EFCAB3: variants seen among roughly 807,000 people sequenced by gnomAD.
The protein encoded by EFCAB3 is EF-hand calcium-binding domain-containing protein 3.
EFCAB3 carries 36 observed loss-of-function variants against 42.2 expected under a neutral mutation model. The observed-to-expected ratio is 0.85, with a 90% confidence interval of 0.65 to 1.13. The LOEUF (loss-of-function observed/expected upper bound fraction) is 1.13, where lower values mean the gene tolerates loss of function less well. EFCAB3 is among the 50% of genes most tolerant of loss of function. The pLI, the probability that EFCAB3 is intolerant of heterozygous loss-of-function variation, is 0.00. For missense variants in EFCAB3, 418 were observed against 505.1 expected, an observed-to-expected ratio of 0.83 and a Z score of 1.65; for synonymous variants, 170 against 172.8, an observed-to-expected ratio of 0.98 and a Z score of 0.13.
intron 2 of EFCAB3, 73 bp from the exon 3 acceptor site, chr17:62,387,267 A>G: frequency 8.5e-7 from 1 of 1,177,452 alleles, no homozygotes; most frequent in Non-Finnish European, 1.2e-6. Flanking sequence ...GTAAGCAGAA[A>G]CTGATGAGTA....
intron 8 of EFCAB3, among the ~76,000 whole-genome samples, chr17:62,411,266 G>T (rs368988443): frequency 6.6e-6 from 1 of 152,190 alleles, no homozygotes; most frequent in Non-Finnish European, 1.5e-5. Flanking sequence ...TGATATAGCA[G>T]ATCTTTAAAA....
chr17:62,394,202 C>A (rs1187424852), intron 5 of EFCAB3, among the ~76,000 whole-genome samples: 1 of 152,224 alleles, frequency 6.6e-6, no homozygotes, highest in African/African-American at 2.4e-5. Context: ...ATCCACCCGC[C>A]TTGGCCTCCC....
upstream of EFCAB3, among the ~76,000 whole-genome samples, chr17:62,379,618 G>A (rs74871405): frequency 5.8e-3 from 886 of 152,204 alleles, 8 homozygotes; most frequent in African/African-American, 0.02. Flanking sequence ...CCCCTGAGCA[G>A]GAATAGGAAA....
At chr17:62,388,087 G>A (rs2070270418) in intron 3 of EFCAB3, among the ~76,000 whole-genome samples, 1 of 152,144 alleles carries the variant, frequency 6.6e-6, no homozygotes, top group South Asian at 2.1e-4. Flanking sequence ...GCGGGCACCT[G>A]TAATCCCAGC....
At chr17:62,372,562 G>A (rs1241715639) in intron 1 of EFCAB3, among the ~76,000 whole-genome samples, 5 of 66 alleles carry the variant, frequency 0.076, no homozygotes, top group African/African-American at 0.2. Flanking sequence ...AATTACAGGC[G>A]TGACCACCGC....
At chr17:62,403,755 CT>C (rs1238839561) in intron 6 of EFCAB3, among the ~76,000 whole-genome samples, 1 of 152,176 alleles carries the variant, frequency 6.6e-6, no homozygotes, top group Non-Finnish European at 1.5e-5. Context: ...TCAAGCAATC[CT>C]CTCATTTCAG....
chr17:62,408,247 G>A lies in EFCAB3; in HGVS notation c.867+1035G>A, dbSNP rs185106258. On this transcript the variant is annotated intron_variant, in intron 8 of 9. Transcript: ENST00000305286. ...GCCCACAGGTAACTCAGTATTTTTT[G>A]GAAGAAAGAATACTGTAATACAAAT... Among the ~76,000 whole-genome samples, 532 of 152,148 alleles carry A rather than the reference G, an allele frequency of 3.5e-3. 7 individuals are homozygous for A. The highest frequency in any genetic ancestry group is 0.012 in the African/African-American group (517 of 41,524).
upstream of EFCAB3, among the ~76,000 whole-genome samples, chr17:62,378,193 T>G (rs1044642292): frequency 6.6e-6 from 1 of 152,220 alleles, no homozygotes. Context: ...CTAAGTTCCT[T>G]GTACCTTTAT....
rs757769984 is a variant in EFCAB3, at chr17:62,391,840, ACTT to A, written c.176_178del (p.Phe59del). ...TCCCCAGCTTTCCAAGATGCCTACA[ACTT>A]CTTCTACAAGGACAAAACTGGCTGT... On this transcript the variant is annotated inframe_deletion, in exon 4 of 10. Transcript: ENST00000305286. 71 of 1,613,382 alleles carry A rather than the reference ACTT, an allele frequency of 4.4e-5. 1 individual carries two copies. The highest frequency in any genetic ancestry group is 5.6e-5 in the Non-Finnish European group (66 of 1,179,704).
intron 8 of EFCAB3, among the ~76,000 whole-genome samples, chr17:62,409,405 C>A (rs773733424): frequency 1.8e-4 from 27 of 152,110 alleles, no homozygotes; most frequent in Non-Finnish European, 3.7e-4. Flanking sequence ...TGCAATGGTA[C>A]ATACCCCTAA....
chr17:62,397,548 CA>C, intron 6 of EFCAB3: 1 of 579,410 alleles, frequency 1.7e-6, no homozygotes. Context: ...GCTTCTCATG[CA>C]AAAGGAATTG....
intron 2 of EFCAB3, among the ~76,000 whole-genome samples, chr17:62,384,501 G>A (rs527318576): frequency 6.6e-6 from 1 of 152,248 alleles, no homozygotes; most frequent in East Asian, 1.9e-4. Flanking sequence ...TGTAGTCCCA[G>A]CTACTCAAGG....
chr17:62,406,776 AGCCTATTCTGAGT>A lies in EFCAB3; in HGVS notation c.682+105_682+117del, dbSNP rs958685678. 17 of 1,253,472 alleles carry A rather than the reference AGCCTATTCTGAGT, an allele frequency of 1.4e-5. 1 individual carries two copies. The African/African-American group carries it at 2.4e-4, about 18-fold the overall frequency. 77.6% of individuals were successfully genotyped at this position (1,253,472 alleles called of 1,614,324 possible). On this transcript the variant is annotated intron_variant, in intron 7 of 9. Coordinates refer to ENST00000305286, the MANE Select transcript of EFCAB3 (RefSeq NM_173503.4). ...CCAAATGGCATAAGAACAGGACTGCAGCCTATTCTGAGTGACCACTCTCTGTCACATAGATGTC... is the reference window on the plus strand; with the variant it reads ...CCAAATGGCATAAGAACAGGACTGCAGACCACTCTCTGTCACATAGATGTC...
upstream of EFCAB3, among the ~76,000 whole-genome samples, chr17:62,377,131 G>A (rs939967616): frequency 1.3e-5 from 2 of 152,106 alleles, no homozygotes; most frequent in African/African-American, 4.8e-5. Flanking sequence ...TACAGATTAT[G>A]TGTTTCATAT....
intron 6 of EFCAB3, chr17:62,397,633 C>G (rs2070361734): frequency 1.7e-6 from 1 of 600,250 alleles, no homozygotes; most frequent in Non-Finnish European, 3.2e-6. Flanking sequence ...TCCAGCTGAT[C>G]AAGAATAGCA....
intron 5 of EFCAB3, 99 bp downstream of exon 5, chr17:62,393,743 A>G: frequency 9.7e-7 from 1 of 1,033,532 alleles, no homozygotes; most frequent in Non-Finnish European, 1.5e-6. Flanking sequence ...CAGGTCAGGA[A>G]GGTGTAGTCT....
intron 1 of EFCAB3, among the ~76,000 whole-genome samples, chr17:62,371,713 AGGAAGAGATACACAGG>A (rs1368472824): frequency 3.3e-5 from 5 of 152,240 alleles, no homozygotes; most frequent in Non-Finnish European, 5.9e-5. Flanking sequence ...AATGAGTATT[AGGAAGAGATACACAGG>A]GGAAGGAGGG....
chr17:62,407,671 T>C (rs1050814361), intron 8 of EFCAB3, among the ~76,000 whole-genome samples: 2 of 152,228 alleles, frequency 1.3e-5, no homozygotes, highest in African/African-American at 4.8e-5. Context: ...CCTTCTGGCC[T>C]TGCTTCAAGT....
chr17:62,405,845 A>G (rs759670564), intron 6 of EFCAB3, among the ~76,000 whole-genome samples: 4 of 152,200 alleles, frequency 2.6e-5, no homozygotes, highest in Non-Finnish European at 5.9e-5. Flanking sequence ...AAGAAATGCA[A>G]TCAATAGTGA....
Sources: gnomAD v4.1 joint callset for allele counts (sites outside exome capture counted in the v4.1 genomes callset) on GRCh38, gnomAD v4.1.1 for gene constraint, MANE v1.5 for transcripts, NCBI Gene and HGNC (gene_info 2026-07-23, HGNC 2026-07-21) for gene names.